GPLD1: variants seen among roughly 807,000 people sequenced by gnomAD.
The protein encoded by GPLD1 is phosphatidylinositol-glycan-specific phospholipase D.
GPLD1 carries 84 observed loss-of-function variants against 112.6 expected under a neutral mutation model. The observed-to-expected ratio is 0.75, with a 90% CI of 0.63 to 0.89. The LOEUF is 0.89. GPLD1 is among the 40% of genes least tolerant of loss of function. GPLD1 has a pLI of 0.00. For missense variants in GPLD1, 1,044 were observed against 1,051.5 expected, an observed-to-expected ratio of 0.99 and a Z score of 0.10; for synonymous variants, 386 against 403.8, an observed-to-expected ratio of 0.96 and a Z score of 0.53.
chr6:24,493,227 G>A (rs540634528), upstream of GPLD1, among the ~76,000 whole-genome samples: 10 of 152,298 alleles, frequency 6.6e-5, 1 homozygote, highest in Admixed American at 6.5e-4. Context: ...TGTAATCCCA[G>A]CACTTTGGGA....
intron 7 of GPLD1, among the ~76,000 whole-genome samples, chr6:24,471,135 T>A (rs770332946): frequency 1.3e-5 from 2 of 152,164 alleles, no homozygotes; most frequent in Non-Finnish European, 2.9e-5. Context: ...TAATCAATAT[T>A]GTTCAGGGAC....
Position 24,446,843 on chromosome 6 carries a change from G to C in GPLD1, c.1815C>G (p.Ala605=). The change falls in exon 18 of 25, where the codon GCC becomes GCG. Residue 605 remains alanine (A), a synonymous_variant. Transcript: ENST00000230036. The stretch of plus-strand genomic sequence containing the variant: ...GCCCCCAGCATCAGCCTCACCTGCT[G>C]GCATTCTTCCAGGTCGGGCTCCCAA... ...LLVGSPTWKN[A]SRLGHLLHIR... is the part of the protein sequence containing the mutation. The C allele has an allele frequency of 1.2e-6, 2 of 1,613,400 alleles. No homozygotes were observed. The highest frequency in any genetic ancestry group is 1.7e-6 in the Non-Finnish European group (2 of 1,179,668).
chr6:24,460,908 T>C (rs945507156), intron 11 of GPLD1, among the ~76,000 whole-genome samples: 1 of 151,846 alleles, frequency 6.6e-6, no homozygotes, highest in African/African-American at 2.4e-5. Flanking sequence ...ACCCAGCTGA[T>C]TTTTTTGTAT....
At chr6:24,481,062 G>T (rs2127367593) in intron 2 of GPLD1, among the ~76,000 whole-genome samples, 1 of 152,306 alleles carries the variant, frequency 6.6e-6, no homozygotes, top group South Asian at 2.1e-4. Flanking sequence ...TACAAACCGT[G>T]TATGAGACCG....
At chr6:24,450,887 G>A (rs1001089137) in intron 14 of GPLD1, among the ~76,000 whole-genome samples, 5 of 151,368 alleles carry the variant, frequency 3.3e-5, no homozygotes, top group East Asian at 2.0e-4. Context: ...CAGGAGAATC[G>A]CTTGAACCTG....
At chr6:24,465,384 TACAA>T in intron 10 of GPLD1, among the ~76,000 whole-genome samples, 2 of 150,610 alleles carry the variant, frequency 1.3e-5, no homozygotes, top group South Asian at 2.1e-4. Flanking sequence ...CTACCAAAAA[TACAA>T]ACAATTAGCC....
intron 12 of GPLD1, among the ~76,000 whole-genome samples, chr6:24,459,282 G>A (rs151136341): frequency 4.1e-4 from 63 of 151,994 alleles, no homozygotes; most frequent in African/African-American, 1.5e-3. Context: ...GAGACAGGGT[G>A]TCACTCTAGC....
Position 24,427,640 on chromosome 6 carries a change from G to A in GPLD1, c.*1392C>T, listed in dbSNP as rs1762278389. On this transcript the variant is annotated 3_prime_UTR_variant, in exon 25 of 25. Transcript: ENST00000230036. ...GTGGGTGGATCACCTGAGATCAGGA[G>A]TTCGAGACCAGCCTGGCCAACATGG... Among the ~76,000 whole-genome samples, 1 of 152,102 alleles carries A rather than the reference G, an allele frequency of 6.6e-6. No homozygotes were observed. The highest frequency in any genetic ancestry group is 2.4e-5 in the African/African-American group (1 of 41,394).
chr6:24,476,595 C>G (rs549142727), intron 3 of GPLD1, among the ~76,000 whole-genome samples: 2 of 152,264 alleles, frequency 1.3e-5, no homozygotes, highest in East Asian at 3.9e-4. Flanking sequence ...TTTCTGTGCC[C>G]TAAAACTAAG....
intron 11 of GPLD1, among the ~76,000 whole-genome samples, chr6:24,461,012 G>T (rs1763415763): frequency 6.6e-6 from 1 of 152,038 alleles, no homozygotes; most frequent in African/African-American, 2.4e-5. Flanking sequence ...CAAAGTGCTG[G>T]AATTACAGGT....
At chr6:24,447,075 G>T in intron 17 of GPLD1, 96 bp from the exon 18 acceptor site, 2 of 1,165,528 alleles carry the variant, frequency 1.7e-6, no homozygotes, top group Non-Finnish European at 2.5e-6. Context: ...ATAGAAGTGG[G>T]TTCATTTTGC....
In GPLD1 at chr6:24,458,639, G is replaced by A. The variant is rs541435454; in HGVS notation, c.1008+1640C>T. 1.2e-3 allele frequency among the ~76,000 whole-genome samples: 184 copies of A among 152,290 alleles called. 1 individual carries two copies. Among genetic ancestry groups the A allele is most frequent in the Non-Finnish European group, 2.1e-3 (145 of 68,026 alleles). ...CACGCCTGTAATCCCAGCACTTTGG[G>A]AGGCCCAGGTGGGCGGATTACCTAA... On this transcript the variant is annotated intron_variant, in intron 12 of 24. Transcript: ENST00000230036.
chr6:24,449,511 T>C (rs1483990841), intron 15 of GPLD1, among the ~76,000 whole-genome samples: 1 of 152,080 alleles, frequency 6.6e-6, no homozygotes, highest in Non-Finnish European at 1.5e-5. Flanking sequence ...TTCACTGGCA[T>C]TCAGCATGGT....
chr6:24,468,930 T>G (rs921034646), intron 7 of GPLD1, among the ~76,000 whole-genome samples: 6 of 152,234 alleles, frequency 3.9e-5, no homozygotes, highest in Admixed American at 6.5e-5. Context: ...TCCTTAATCT[T>G]GGCAAAACAA....
rs760314242 is a variant in GPLD1, at chr6:24,433,205, G to A, written c.2418C>T (p.Thr806=). The A allele has an allele frequency of 4.3e-6, 7 of 1,611,564 alleles. No individual in the cohort carries two copies. The highest frequency in any genetic ancestry group is 1.7e-5 in the Admixed American group (1 of 60,006). ...GGCTCACCTTTGCCTTGGACCTCAC[G>A]GTGATGAGGGAGCTCCCAAACCTTG... ...ASSRFGSSLI[T]VRSKAKNQVV... Residue 806 remains threonine, a synonymous_variant, in exon 24 of 25, where the codon ACC becomes ACT. Transcript: ENST00000230036.
chr6:24,429,063 GC>G lies in GPLD1; in HGVS notation c.2491del (p.Ala831HisfsTer31). 1 of 1,613,518 alleles carries G rather than the reference GC, an allele frequency of 6.2e-7. No homozygotes were observed. The highest frequency in any genetic ancestry group is 8.5e-7 in the Non-Finnish European group (1 of 1,179,532). On this transcript the variant is annotated frameshift_variant, in exon 25 of 25. Coordinates refer to ENST00000230036, the MANE Select transcript of GPLD1 (RefSeq NM_001503.4). LOFTEE classifies it high-confidence loss of function. ...RSSLGARLSG[A>X]LHVYSLGSD Reference sequence around the variant, plus strand: ...TGAGCCAAGGCTATAGACGTGAAGTGCCCCGGAGAGTCGGGCTCCCAAAGAA... The same window carrying G: ...TGAGCCAAGGCTATAGACGTGAAGTGCCCGGAGAGTCGGGCTCCCAAAGAA...
chr6:24,466,920 CAGCT>C lies in GPLD1; in HGVS notation c.669_672del (p.Ala224PhefsTer40). The stretch of plus-strand genomic sequence containing the variant: ...AAGAATGACGCCTTTACCTTGGAAA[CAGCT>C]AGCATCTCACCATACCTGCAAAATA... On this transcript the variant is annotated frameshift_variant, in exon 9 of 25. Transcript: ENST00000230036. LOFTEE classifies it high-confidence loss of function. The C allele has an allele frequency of 1.9e-6, 3 of 1,611,136 alleles. No homozygotes were observed. Among genetic ancestry groups the C allele is most frequent in the Non-Finnish European group, 2.5e-6 (3 of 1,177,288 alleles).
At chr6:24,477,471 C>A (rs971765346) in intron 3 of GPLD1, among the ~76,000 whole-genome samples, 1 of 152,030 alleles carries the variant, frequency 6.6e-6, no homozygotes, top group Non-Finnish European at 1.5e-5. Flanking sequence ...ATAATCCCAG[C>A]ACTTTGGGAG....
exon 1 of GPLD1, chr6:24,495,175 G>T: frequency 1.3e-6 from 2 of 1,497,702 alleles, no homozygotes; most frequent in Non-Finnish European, 1.8e-6. Context: ...GCGCTGCTGC[G>T]CACCGACAGC....
Sources: gnomAD v4.1 joint callset for allele counts (sites outside exome capture counted in the v4.1 genomes callset) on GRCh38, gnomAD v4.1.1 for gene constraint, MANE v1.5 for transcripts, NCBI Gene and HGNC (gene_info 2026-07-23, HGNC 2026-07-21) for gene names.